LDLRAD4: variants seen among roughly 807,000 people sequenced by gnomAD.
LDLRAD4 encodes low-density lipoprotein receptor class A domain-containing protein 4.
Under a neutral mutation model 17.0 loss-of-function variants are expected in LDLRAD4, and 5 were observed. The observed-to-expected ratio is 0.29, with a 90% CI of 0.15 to 0.62. LDLRAD4 has a LOEUF of 0.62. Among genes scored for constraint, LDLRAD4 ranks in the 20% least tolerant of loss-of-function variants. The pLI is 0.84. For missense variants in LDLRAD4, 340 were observed against 424.7 expected (o/e 0.80, Z 1.75); for synonymous variants, 168 against 171.8 (o/e 0.98, Z 0.17).
intron 1 of LDLRAD4, among the ~76,000 whole-genome samples, chr18:13,383,976 A>G (rs2085591914): frequency 6.6e-6 from 1 of 152,238 alleles, no homozygotes; most frequent in African/African-American, 2.4e-5. Flanking sequence ...GAGTGTATAT[A>G]GGAATAGGCA....
chr18:13,236,222 G>C (rs1442635166), intron 1 of LDLRAD4, among the ~76,000 whole-genome samples: 2 of 151,622 alleles, frequency 1.3e-5, no homozygotes, highest in African/African-American at 4.9e-5. Context: ...TTTCTCGTTA[G>C]ATGTGGAAAC....
upstream of LDLRAD4, chr18:13,218,147 A>G (rs1010487347): frequency 6.6e-6 from 1 of 152,078 alleles, no homozygotes; most frequent in African/African-American, 2.4e-5. Context: ...GCCCAAGTTC[A>G]CCGCTGCGCT....
At chr18:13,287,214 T>C (rs965756612) in intron 1 of LDLRAD4, among the ~76,000 whole-genome samples, 4 of 152,152 alleles carry the variant, frequency 2.6e-5, no homozygotes, top group Non-Finnish European at 5.9e-5. Flanking sequence ...AATATCTTAG[T>C]ATATCTTTCT....
intron 1 of LDLRAD4, among the ~76,000 whole-genome samples, chr18:13,323,056 G>A (rs1599402787): frequency 1.3e-5 from 2 of 152,270 alleles, no homozygotes; most frequent in Admixed American, 1.3e-4. Flanking sequence ...GCATCTCTCT[G>A]GATTTCTACT....
chr18:13,547,283 A>C (rs1269177279), intron 3 of LDLRAD4, among the ~76,000 whole-genome samples: 2 of 152,236 alleles, frequency 1.3e-5, no homozygotes, highest in Non-Finnish European at 2.9e-5. Context: ...GAAAGCTAAA[A>C]CTATTTGAAA....
At chr18:13,357,783 A>G (rs1321821616) in intron 1 of LDLRAD4, among the ~76,000 whole-genome samples, 1 of 152,132 alleles carries the variant, frequency 6.6e-6, no homozygotes, top group African/African-American at 2.4e-5. Context: ...CCCTTCATCT[A>G]CCATTTGGTT....
chr18:13,369,746 A>C (rs1187594473), intron 1 of LDLRAD4, among the ~76,000 whole-genome samples: 1 of 152,200 alleles, frequency 6.6e-6, no homozygotes. Flanking sequence ...AGTGAACTTC[A>C]TGCTCTTTAG....
rs1311037872 is a variant in LDLRAD4, at chr18:13,422,170, C to T, written c.41-16074C>T. ...TTGTGCCATTCCTTTGGTCACTGAA[C>T]ATTCATGATTATGGAGCAAGAAGCT... On this transcript the variant is annotated intron_variant, in intron 2 of 5. Coordinates refer to ENST00000359446, the Ensembl canonical transcript of LDLRAD4. 3.3e-5 allele frequency among the ~76,000 whole-genome samples: 5 copies of T among 152,176 alleles called. No homozygotes were observed. The East Asian group carries it at 9.6e-4, about 29-fold the overall frequency.
chr18:13,484,850 G>A (rs1600724412), intron 3 of LDLRAD4, among the ~76,000 whole-genome samples: 1 of 152,128 alleles, frequency 6.6e-6, no homozygotes, highest in East Asian at 1.9e-4. Flanking sequence ...ATCCCTGGTG[G>A]TTATACTAGC....
Position 13,300,580 on chromosome 18 carries a change from C to T in LDLRAD4, c.-383+22392C>T, listed in dbSNP as rs529702976. On this transcript the variant is annotated intron_variant, in intron 1 of 5. Coordinates refer to ENST00000359446, the Ensembl canonical transcript of LDLRAD4. The surrounding 1 kb of genome is among the most constrained non-coding windows in gnomAD (Gnocchi z 4.2). ...ACCCTCTCCTTCTCCTGGCTTATTTCGGGGTGGGTGTGTGAGAATTGGCTG... is the reference window on the plus strand; with the variant it reads ...ACCCTCTCCTTCTCCTGGCTTATTTTGGGGTGGGTGTGTGAGAATTGGCTG... Among the ~76,000 whole-genome samples the T allele has an allele frequency of 3.9e-5, 6 of 152,290 alleles. No homozygotes were observed. In the East Asian group the frequency reaches 7.7e-4, roughly 20 times the overall value.
chr18:13,342,101 A>G (rs567539703), intron 1 of LDLRAD4, among the ~76,000 whole-genome samples: 18 of 152,276 alleles, frequency 1.2e-4, no homozygotes, highest in Middle Eastern at 3.4e-3. Context: ...ATCGTATTGT[A>G]TAATCCTTTT....
At chr18:13,379,840 G>A (rs1407722169) in intron 1 of LDLRAD4, among the ~76,000 whole-genome samples, 2 of 152,152 alleles carry the variant, frequency 1.3e-5, no homozygotes, top group Non-Finnish European at 2.9e-5. Flanking sequence ...CTCCCTTCCT[G>A]CCCACACTTG....
chr18:13,318,527 G>T (rs2081052950), intron 1 of LDLRAD4, among the ~76,000 whole-genome samples: 1 of 152,176 alleles, frequency 6.6e-6, no homozygotes, highest in African/African-American at 2.4e-5. Context: ...CTCCCAAAAT[G>T]CTGGGATTCA....
chr18:13,490,712 C>A (rs1325782533), intron 3 of LDLRAD4: 1 of 152,174 alleles, frequency 6.6e-6, no homozygotes, highest in African/African-American at 2.4e-5. Flanking sequence ...GGTTTATAGA[C>A]GTTTCCAGGG....
intron 1 of LDLRAD4, among the ~76,000 whole-genome samples, chr18:13,290,465 T>G (rs1257399224): frequency 6.6e-6 from 1 of 152,166 alleles, no homozygotes; most frequent in Non-Finnish European, 1.5e-5. Flanking sequence ...CACTTTTTGC[T>G]TGGCTGGAAG....
Position 13,583,512 on chromosome 18 carries a change from A to C in LDLRAD4, c.182-37605A>C, listed in dbSNP as rs143986774. On this transcript the variant is annotated intron_variant, in intron 3 of 5. Coordinates refer to ENST00000359446, the Ensembl canonical transcript of LDLRAD4. ...GATTGGGAACTTTAAATGAGTTGTA[A>C]AAAATAAGTGTTATTAGAGTTCCAA... Among the ~76,000 whole-genome samples, 258 of 152,324 alleles carry C rather than the reference A, an allele frequency of 1.7e-3. 3 individuals are homozygous for C. In the East Asian group the frequency reaches 0.031, roughly 18 times the overall value.
intron 3 of LDLRAD4, 31 bp downstream of exon 4, chr18:13,438,415 G>C (rs760171029): frequency 1.2e-6 from 2 of 1,601,152 alleles, no homozygotes; most frequent in Admixed American, 3.3e-5. Context: ...GGGTGGCACT[G>C]TCTGATGTGG....
At chr18:13,284,030 C>T (rs980978532) in intron 1 of LDLRAD4, among the ~76,000 whole-genome samples, 13 of 152,270 alleles carry the variant, frequency 8.5e-5, no homozygotes, top group African/African-American at 2.4e-4. Flanking sequence ...AATTACCTTC[C>T]GCTGGGTCCC....
intron 3 of LDLRAD4, among the ~76,000 whole-genome samples, chr18:13,552,765 C>T (rs567282531): frequency 2.0e-5 from 3 of 152,346 alleles, no homozygotes; most frequent in Admixed American, 6.5e-5. Flanking sequence ...CCGTCTCCCT[C>T]TTCATGGGCC....
Sources: allele counts gnomAD v4.1 joint callset (sites outside exome capture counted in the v4.1 genomes callset), GRCh38; gene constraint gnomAD v4.1.1; non-coding constraint Gnocchi (gnomAD v3.1); transcripts MANE v1.5; gene names NCBI Gene and HGNC (gene_info 2026-07-23, HGNC 2026-07-21).